CRAMP1: variants seen among roughly 807,000 people sequenced by gnomAD.
CRAMP1 encodes cramped chromatin regulator 1.
Under a neutral mutation model 115.4 loss-of-function variants are expected in CRAMP1, and 50 were observed. That is an observed-to-expected ratio of 0.43 (90% CI 0.35 to 0.55). The LOEUF (loss-of-function observed/expected upper bound fraction) is 0.55, where lower values mean the gene tolerates loss of function less well. CRAMP1 is among the 20% of genes least tolerant of loss of function. CRAMP1 has a pLI of 0.01. For missense variants in CRAMP1, 1,679 were observed against 1,721.7 expected (o/e 0.98, Z 0.44); for synonymous variants, 866 against 745.4 (o/e 1.16, Z -2.64).
intron 7 of CRAMP1, 49 bp from the exon 8 acceptor site, chr16:1,652,984 A>C: frequency 1.2e-6 from 2 of 1,609,586 alleles, no homozygotes; most frequent in Non-Finnish European, 1.7e-6. Context: ...TTGGTTTTCT[A>C]CCTTAAGGTT....
At chr16:1,647,161 C>A (rs1175648597) in intron 6 of CRAMP1, 4 of 657,868 alleles carry the variant, frequency 6.1e-6, no homozygotes, top group Non-Finnish European at 1.1e-5. Context: ...ACCTCTCATG[C>A]AGACCTGTTT....
intron 2 of CRAMP1, among the ~76,000 whole-genome samples, chr16:1,625,416 T>C (rs996377767): frequency 6.6e-6 from 1 of 152,188 alleles, no homozygotes; most frequent in Admixed American, 6.5e-5. Flanking sequence ...AACACTACGT[T>C]TTTTTGGTGG....
At position 1,669,103 on chromosome 16, in the gene CRAMP1, C is replaced by T; in HGVS notation, c.3437C>T (p.Pro1146Leu). The T allele has an allele frequency of 6.2e-7, 1 of 1,610,956 alleles. No individual in the cohort carries two copies. The highest frequency in any genetic ancestry group is 8.5e-7 in the Non-Finnish European group (1 of 1,178,698). Residue 1146 changes from proline (P) to leucine (L), a missense_variant, in exon 19 of 21, where the codon CCC becomes CTC. Pro to Leu is a moderately conservative substitution (Grantham distance 98). Transcript: ENST00000397412. The surrounding 1 kb of genome is among the most constrained non-coding windows in gnomAD (Gnocchi z 4.6). ...SSPQPHWIASPTHDPQWYPSD... is the reference protein window; with the variant it reads ...SSPQPHWIASLTHDPQWYPSD... The stretch of plus-strand genomic sequence containing the variant: ...CCCCAGCCACACTGGATCGCCTCTC[C>T]CACCCACGACCCCCAGTGGTACCCC...
Position 1,656,940 on chromosome 16 carries a change from G to T in CRAMP1, c.2183G>T (p.Arg728Leu). ...GSLPTALHKQ[R>L]LLSCLLKLIS... ...CTACCCACCGCCCTCCACAAGCAGC[G>T]CCTCCTCAGCTGCCTCCTGAAGCTC... Residue 728 changes from arginine (R) to leucine (L), a missense_variant, in exon 10 of 21, where the codon CGC becomes CTC. Transcript: ENST00000397412. This position sits in a 1 kb window ranked among gnomAD's most constrained non-coding sequence, Gnocchi z 5.6. The T allele has an allele frequency of 6.4e-7, 1 of 1,559,536 alleles. No individual in the cohort carries two copies.
intron 11 of CRAMP1, 132 bp from the exon 12 acceptor site, chr16:1,662,358 G>C (rs2036839432): frequency 7.2e-6 from 5 of 690,744 alleles, no homozygotes; most frequent in East Asian, 5.0e-5. Context: ...AGATAGAGGT[G>C]TCTCCTTTCA....
In CRAMP1 at chr16:1,656,642, A is replaced by C. The variant is rs780708550; in HGVS notation, c.1885A>C (p.Thr629Pro). 2.5e-6 allele frequency: 4 copies of C among 1,579,130 alleles called. No homozygotes were observed. The highest frequency in any genetic ancestry group is 2.6e-6 in the Non-Finnish European group (3 of 1,163,702). ...CCCCGGGCTCCTGCTGGATGTTTGC[A>C]CTAAAGACTTGGCAGATGCACCTGC... The part of the protein sequence containing the change: ...PGPGLLLDVC[T>P]KDLADAPAEE... The change falls in exon 10 of 21, where the codon ACT becomes CCT. Residue 629 changes from threonine (T) to proline (P), a missense_variant. Thr to Pro is a conservative substitution (Grantham distance 38). Around this residue, in one of 8 missense-constraint regions of CRAMP1, gnomAD observed 405 missense variants for 302.6 expected, o/e 1.34. Coordinates refer to ENST00000397412, the MANE Select transcript of CRAMP1 (RefSeq NM_020825.4). This position sits in a 1 kb window ranked among gnomAD's most constrained non-coding sequence, Gnocchi z 5.6.
intron 4 of CRAMP1, 85 bp from the exon 5 acceptor site, chr16:1,637,739 C>A (rs532684695): frequency 1.7e-6 from 1 of 572,702 alleles, no homozygotes; most frequent in Middle Eastern, 3.2e-4. Flanking sequence ...CAAGAAACCA[C>A]GTGAGCCTGG....
chr16:1,623,651 G>A (rs1473324719), intron 2 of CRAMP1, among the ~76,000 whole-genome samples: 3 of 152,244 alleles, frequency 2.0e-5, no homozygotes, highest in Non-Finnish European at 4.4e-5. Flanking sequence ...GAAAGCCTTT[G>A]TTGTGGGTGG....
At chr16:1,653,492 A>G (rs962290099) in intron 8 of CRAMP1, among the ~76,000 whole-genome samples, 1 of 152,138 alleles carries the variant, frequency 6.6e-6, no homozygotes, top group Non-Finnish European at 1.5e-5. Context: ...GCATATGCAC[A>G]AGGCGCCATC....
At chr16:1,612,974 C>G (rs1381900755) in intron 1 of CRAMP1, among the ~76,000 whole-genome samples, 1 of 152,132 alleles carries the variant, frequency 6.6e-6, no homozygotes, top group Non-Finnish European at 1.5e-5. Flanking sequence ...GCGAAAAGCG[C>G]TTCCCCGTGC....
At position 1,647,091 on chromosome 16, in the gene CRAMP1, G is replaced by A. The variant is rs576289384; in HGVS notation, c.828-5405G>A. The A allele has an allele frequency of 1.6e-4, 114 of 702,888 alleles. 1 individual carries two copies. The highest frequency in any genetic ancestry group is 1.6e-3 in the South Asian group (106 of 67,542). The allele number at this position is 702,888 out of a possible 1,614,324, so 43.5% of individuals were successfully genotyped here. ...GGGAAAATGACTGAGGTGCCTGTGGGAGGCTACCCCTGGATTTCAGCCCAA... is the reference window on the plus strand; with the variant it reads ...GGGAAAATGACTGAGGTGCCTGTGGAAGGCTACCCCTGGATTTCAGCCCAA... On this transcript the variant is annotated intron_variant, in intron 6 of 20. Transcript: ENST00000397412.
Position 1,614,800 on chromosome 16 carries a change from C to T in CRAMP1, c.161C>T (p.Ala54Val). 1.6e-6 allele frequency: 2 copies of T among 1,290,070 alleles called. No individual in the cohort carries two copies. Among genetic ancestry groups the T allele is most frequent in the South Asian group, 2.8e-5 (1 of 35,286 alleles). The allele number at this position is 1,290,070 out of a possible 1,614,324, so 79.9% of individuals were successfully genotyped here. The change falls in exon 2 of 21, where the codon GCC (alanine) becomes GTC (valine). Residue 54 changes from alanine (A) to valine (V), a missense_variant. Physicochemically the swap from Ala to Val is moderately conservative, Grantham distance 64 (BLOSUM62 0). Coordinates refer to ENST00000397412, the MANE Select transcript of CRAMP1 (RefSeq NM_020825.4). The surrounding 1 kb of genome is among the most constrained non-coding windows in gnomAD (Gnocchi z 4.4). ...GTKRDEKTPR[A>V]GADGPPAPPG... ...AAGAGGGACGAGAAGACCCCCCGGG[C>T]CGGCGCCGACGGCCCCCCCGCGCCC...
At chr16:1,649,702 G>A (rs1439786143) in intron 6 of CRAMP1, among the ~76,000 whole-genome samples, 1 of 151,698 alleles carries the variant, frequency 6.6e-6, no homozygotes, top group Non-Finnish European at 1.5e-5. Context: ...TGTTAACCAG[G>A]ATGGTCTCGA....
At chr16:1,615,142 C>T (rs953225199) in intron 2 of CRAMP1, among the ~76,000 whole-genome samples, 157 bp downstream of exon 2, 1 of 152,342 alleles carries the variant, frequency 6.6e-6, no homozygotes, top group African/African-American at 2.4e-5. Context: ...GGGCATGTGT[C>T]CCCTCTCTCC....
intron 2 of CRAMP1, among the ~76,000 whole-genome samples, chr16:1,619,003 G>A (rs958916428): frequency 4.6e-5 from 7 of 152,196 alleles, no homozygotes; most frequent in African/African-American, 1.7e-4. Flanking sequence ...TTGTGAAGTT[G>A]TCTAATGAGG....
chr16:1,662,636 G>A lies in CRAMP1; in HGVS notation c.2560G>A (p.Glu854Lys). ...GKLFSPSKEA[E>K]LTFRQHLNSI... ...GCTCTTCTCTCCCAGTAAAGAAGCA[G>A]AGCTGACTTTCCGCCAGCATCTGAA... Residue 854 changes from glutamate (E) to lysine (K), a missense_variant, in exon 12 of 21, where the codon GAG becomes AAG. This residue lies in a region of CRAMP1 where 709 missense variants were observed against 741.9 expected (regional missense o/e 0.96). Coordinates refer to ENST00000397412, the MANE Select transcript of CRAMP1 (RefSeq NM_020825.4). The A allele has an allele frequency of 6.2e-7, 1 of 1,614,038 alleles. No individual in the cohort carries two copies. The highest frequency in any genetic ancestry group is 1.1e-5 in the South Asian group (1 of 91,082).
Position 1,668,208 on chromosome 16 carries a change from G to T in CRAMP1, c.3334+15G>T. 11 of 1,559,706 alleles carry T rather than the reference G, an allele frequency of 7.1e-6. No homozygotes were observed. Among genetic ancestry groups the T allele is most frequent in the Non-Finnish European group, 9.7e-6 (11 of 1,131,500 alleles). ...CGGTCAGTACGGTAAGGGCAGGGCGGCCTCACAGCCCTTCCTGTCATCAGG... is the reference window on the plus strand; with the variant it reads ...CGGTCAGTACGGTAAGGGCAGGGCGTCCTCACAGCCCTTCCTGTCATCAGG... On this transcript the variant is annotated intron_variant, in intron 18 of 20. Transcript: ENST00000397412.
intron 1 of CRAMP1, among the ~76,000 whole-genome samples, 26 bp downstream of exon 1, chr16:1,612,683 G>A (rs1353752422): frequency 1.3e-5 from 2 of 152,032 alleles, no homozygotes; most frequent in Non-Finnish European, 2.9e-5. Flanking sequence ...CGGCGGGGCT[G>A]TCATGGCGAG....
At chr16:1,655,555 G>A (rs2036763851) in intron 9 of CRAMP1, among the ~76,000 whole-genome samples, 1 of 152,174 alleles carries the variant, frequency 6.6e-6, no homozygotes, top group Non-Finnish European at 1.5e-5. Flanking sequence ...TCTGGCCCAC[G>A]GGGTGTGGCC....
Sources: allele counts gnomAD v4.1 joint callset (sites outside exome capture counted in the v4.1 genomes callset), GRCh38; gene constraint gnomAD v4.1.1; regional missense constraint gnomAD v4.1.1; non-coding constraint Gnocchi (gnomAD v3.1); transcripts MANE v1.5; gene names NCBI Gene and HGNC (gene_info 2026-07-23, HGNC 2026-07-21).